Variants in ATP1A4 observed in about 807,000 individuals in gnomAD.
ATP1A4 encodes the protein sodium/potassium-transporting ATPase subunit alpha-4.
ATP1A4 carries 90 observed loss-of-function variants against 114.3 expected under a neutral mutation model. That is an observed-to-expected ratio of 0.79 (90% confidence interval 0.66 to 0.94). ATP1A4 has a LOEUF of 0.94. Among genes scored for constraint, ATP1A4 ranks in the 40% least tolerant of loss-of-function variants. The pLI is 0.00. For missense variants in ATP1A4, 1,222 were observed against 1,313.6 expected (o/e 0.93, Z 1.08); for synonymous variants, 511 against 494.1 (o/e 1.03, Z -0.45).
intron 18 of ATP1A4, 40 bp from the exon 19 acceptor site, chr1:160,181,644 C>A (rs1196780295): frequency 1.9e-6 from 3 of 1,611,268 alleles, no homozygotes; most frequent in Admixed American, 3.3e-5. Context: ...TGTACAGAAT[C>A]CCCTTCTGAC....
At chr1:160,157,722 G>C (rs1233400415) in intron 4 of ATP1A4, among the ~76,000 whole-genome samples, 3 of 152,100 alleles carry the variant, frequency 2.0e-5, no homozygotes, top group Non-Finnish European at 1.5e-5. Context: ...AGTATACACA[G>C]AGAGAGAGAG....
intron 6 of ATP1A4, among the ~76,000 whole-genome samples, chr1:160,161,895 A>T (rs1431062859): frequency 6.6e-6 from 1 of 152,180 alleles, no homozygotes; most frequent in Non-Finnish European, 1.5e-5. Flanking sequence ...TGTTCATGGG[A>T]GCTCCCAGAT....
rs899165594 is a variant in ATP1A4, at chr1:160,177,617, G to A, written c.2689G>A (p.Glu897Lys). 45 of 1,614,216 alleles carry A rather than the reference G, an allele frequency of 2.8e-5. No homozygotes were observed. The highest frequency in any genetic ancestry group is 3.8e-5 in the Non-Finnish European group (45 of 1,180,044). The change falls in exon 18 of 22, where the codon GAA (glutamate) becomes AAA (lysine). Residue 897 changes from glutamate (E) to lysine (K), a missense_variant. Physicochemically the swap from Glu to Lys is moderately conservative, Grantham distance 56. Coordinates refer to ENST00000368081, the MANE Select transcript of ATP1A4 (RefSeq NM_144699.4). ...VDLLGIRLHW[E>K]DKYLNDLEDS... ...TCTGCTGGGCATCCGCCTCCACTGG[G>A]AAGATAAATACTTGAATGACCTGGA...
At chr1:160,167,257 A>G in intron 9 of ATP1A4, 21 bp from the exon 10 acceptor site, 4 of 1,593,442 alleles carry the variant, frequency 2.5e-6, no homozygotes, top group Non-Finnish European at 3.4e-6. Context: ...GGGGCTTACT[A>G]TACAAACCCC....
rs142215427 is a variant in ATP1A4, at chr1:160,171,313, G to A, written c.1554G>A (p.Pro518=). 2.2e-5 allele frequency: 35 copies of A among 1,614,110 alleles called. No individual in the cohort carries two copies. Among genetic ancestry groups the A allele is most frequent in the African/African-American group, 2.7e-5 (2 of 75,026 alleles). ...ACGTACTGATGATGAAGGGTGCTCC[G>A]GAGAGGATCTTGGAGTTTTGTTCTA... ...QTHVLMMKGA[P]ERILEFCSTF... is the part of the protein sequence containing the mutation. Residue 518 remains proline (P), a synonymous_variant, in exon 11 of 22, where the codon CCG becomes CCA. Transcript: ENST00000368081.
chr1:160,163,432 C>G lies in ATP1A4; in HGVS notation c.779-724C>G, dbSNP rs112557440. Among the ~76,000 whole-genome samples, 170 of 152,338 alleles carry G rather than the reference C, an allele frequency of 1.1e-3. 1 individual carries two copies. Among genetic ancestry groups the G allele is most frequent in the African/African-American group, 4.0e-3 (167 of 41,578 alleles). On this transcript the variant is annotated intron_variant, in intron 6 of 21. Transcript: ENST00000368081. Reference sequence around the variant, plus strand: ...TGGCTATAAATTGGGGTTCCCACGACTCCCTCCTCAGGTTTGATTAATTTG... The same window carrying G: ...TGGCTATAAATTGGGGTTCCCACGAGTCCCTCCTCAGGTTTGATTAATTTG...
At chr1:160,160,331 C>G (rs889925193) in intron 6 of ATP1A4, among the ~76,000 whole-genome samples, 1 of 152,136 alleles carries the variant, frequency 6.6e-6, no homozygotes, top group Non-Finnish European at 1.5e-5. Context: ...ATTATCCTGC[C>G]TCAGCCTCCC....
At chr1:160,186,226 C>G (rs1008430703) in intron 20 of ATP1A4, 50 bp from the exon 21 acceptor site, 8 of 1,294,410 alleles carry the variant, frequency 6.2e-6, no homozygotes, top group Non-Finnish European at 9.0e-6. Context: ...TGCACCTGTC[C>G]TCTGGCATCT....
chr1:160,172,884 G>C (rs916431206), intron 12 of ATP1A4, among the ~76,000 whole-genome samples: 1 of 152,138 alleles, frequency 6.6e-6, no homozygotes, highest in African/African-American at 2.4e-5. Context: ...GTAATTATTT[G>C]TTGATGGCTT....
chr1:160,181,275 G>A (rs745580166), intron 18 of ATP1A4, among the ~76,000 whole-genome samples: 1 of 152,048 alleles, frequency 6.6e-6, no homozygotes, highest in Admixed American at 6.5e-5. Context: ...GGACCTGGCC[G>A]GGCACAGTGA....
At position 160,186,165 on chromosome 1, in the gene ATP1A4, G is replaced by A. The variant is rs183176209; in HGVS notation, c.2970-111G>A. On this transcript the variant is annotated intron_variant, in intron 20 of 21. Coordinates refer to ENST00000368081, the MANE Select transcript of ATP1A4 (RefSeq NM_144699.4). ...TCTCCAGCACCCAGCACAGTCCCAC[G>A]CACACAGTAGACACAAGCAATGAAA... 678 of 578,818 alleles carry A rather than the reference G, an allele frequency of 1.2e-3. 2 individuals are homozygous for A. Among genetic ancestry groups the A allele is most frequent in the African/African-American group, 0.011 (541 of 50,294 alleles). 35.9% of individuals were successfully genotyped at this position (578,818 alleles called of 1,614,324 possible). A position where few individuals can be genotyped will look rare whatever the true frequency, so the allele number is the denominator to read the frequency against.
intron 21 of ATP1A4, 123 bp from the exon 22 acceptor site, chr1:160,186,548 C>T (rs1449343900): frequency 2.5e-6 from 3 of 1,198,776 alleles, no homozygotes; most frequent in African/African-American, 3.0e-5. Context: ...TCCATCTGAC[C>T]CTCAGTGCCC....
chr1:160,176,675 G>T, intron 17 of ATP1A4, 73 bp downstream of exon 17: 1 of 1,582,888 alleles, frequency 6.3e-7, no homozygotes, highest in Admixed American at 1.7e-5. Flanking sequence ...AGCCATCTCA[G>T]TTTGGAAGTC....
intron 1 of ATP1A4, among the ~76,000 whole-genome samples, chr1:160,152,736 G>A (rs1374005349): frequency 6.6e-6 from 1 of 152,108 alleles, no homozygotes; most frequent in African/African-American, 2.4e-5. Flanking sequence ...ACCAAGGCCT[G>A]TAAAATAGTG....
intron 5 of ATP1A4, 77 bp downstream of exon 5, chr1:160,159,213 A>G (rs1454091453): frequency 2.6e-6 from 4 of 1,535,008 alleles, no homozygotes; most frequent in Admixed American, 4.1e-5. Context: ...CCGTTAGAGA[A>G]AGTATAAGCT....
At chr1:160,157,399 C>T (rs1224377762) in intron 4 of ATP1A4, among the ~76,000 whole-genome samples, 1 of 152,096 alleles carries the variant, frequency 6.6e-6, no homozygotes, top group African/African-American at 2.4e-5. Context: ...TCCATATGTA[C>T]TCAGTGTTTA....
In ATP1A4 at chr1:160,166,547, C is replaced by T. The variant is rs1163666316; in HGVS notation, c.1067C>T (p.Ala356Val). 8.1e-6 allele frequency: 13 copies of T among 1,614,146 alleles called. No homozygotes were observed. Among genetic ancestry groups the T allele is most frequent in the African/African-American group, 1.3e-5 (1 of 74,948 alleles). ...CTTTAGGTGTGCCTGACCCTCACAG[C>T]CAAGCGCATGGCGCGGAAGAACTGC... ...ATVTVCLTLT[A>V]KRMARKNCLV... Residue 356 changes from alanine to valine, a missense_variant, in exon 8 of 22, where the codon GCC (alanine) becomes GTC (valine). By Grantham distance (64) the Ala-to-Val change is moderately conservative. Transcript: ENST00000368081.
At position 160,151,925 on chromosome 1, in the gene ATP1A4, C is replaced by A; in HGVS notation, c.-116C>A. ...TTTCTTTCTGCTCCCTCATTCTCTC[C>A]CCACCACTCTCTTCTCGTGGCCCCC... On this transcript the variant is annotated 5_prime_UTR_variant, in exon 1 of 22. Transcript: ENST00000368081. The A allele has an allele frequency of 8.2e-7, 1 of 1,221,102 alleles. No homozygotes were observed. Among genetic ancestry groups the A allele is most frequent in the Non-Finnish European group, 1.1e-6 (1 of 889,882 alleles). The allele number at this position is 1,221,102 out of a possible 1,614,324, so 75.6% of individuals were successfully genotyped here. A position where few individuals can be genotyped will look rare whatever the true frequency, so the allele number is the denominator to read the frequency against.
chr1:160,174,006 C>T (rs1653359782), intron 13 of ATP1A4, 105 bp from the exon 14 acceptor site: 1 of 1,370,528 alleles, frequency 7.3e-7, no homozygotes, highest in African/African-American at 1.4e-5. Context: ...AGTGAGGAGA[C>T]TAGGTTGAAA....
Sources: gnomAD v4.1 joint callset for allele counts (sites outside exome capture counted in the v4.1 genomes callset) on GRCh38, gnomAD v4.1.1 for gene constraint, MANE v1.5 for transcripts, NCBI Gene and HGNC (gene_info 2026-07-23, HGNC 2026-07-21) for gene names.